The following PLEKHA5 variants were observed in gnomAD, a reference collection of about 807,000 sequenced individuals.
The protein encoded by PLEKHA5 is pleckstrin homology domain containing A5.
A neutral mutation model predicts 181.9 loss-of-function variants in PLEKHA5; 55 were observed. The observed-to-expected ratio is 0.30, with a 90% confidence interval of 0.24 to 0.38. The LOEUF is 0.38. PLEKHA5 is among the 10% of genes least tolerant of loss of function. The probability of loss-of-function intolerance (pLI) is 1.00; values close to 1 mark genes in which losing one functional copy is unlikely to be tolerated. For missense variants in PLEKHA5, 1,432 were observed against 1,549.5 expected, an observed-to-expected ratio of 0.92 and a Z score of 1.27; for synonymous variants, 535 against 529.4, an observed-to-expected ratio of 1.01 and a Z score of -0.15.
intron 3 of PLEKHA5, among the ~76,000 whole-genome samples, chr12:19,235,371 A>G (rs2061258141): frequency 6.6e-6 from 1 of 152,212 alleles, no homozygotes; most frequent in Non-Finnish European, 1.5e-5. Flanking sequence ...CAAGGTATGT[A>G]CAATATGTTT....
At chr12:19,197,333 A>T (rs190987884) in intron 3 of PLEKHA5, among the ~76,000 whole-genome samples, 2 of 152,130 alleles carry the variant, frequency 1.3e-5, no homozygotes, top group Admixed American at 1.3e-4. Context: ...TGTCACCAAT[A>T]CTTATTTTGG....
At position 19,269,829 on chromosome 12, in the gene PLEKHA5, G is replaced by A. The variant is rs2072021352; in HGVS notation, c.771G>A (p.Glu257=). 1 of 1,611,808 alleles carries A rather than the reference G, an allele frequency of 6.2e-7. No homozygotes were observed. The highest frequency in any genetic ancestry group is 8.5e-7 in the Non-Finnish European group (1 of 1,178,070). The change falls in exon 9 of 32, where the codon GAG becomes GAA. Residue 257 remains glutamate, a synonymous_variant. Coordinates refer to ENST00000429027, the MANE Select transcript of PLEKHA5 (RefSeq NM_001256470.2). ...GCACTGATACAGGAAAGGAAATGGA[G>A]TTGTGGATGAAAGCCATGTTAGATG... ...YFCTDTGKEM[E]LWMKAMLDAA... is the part of the protein sequence containing the mutation.
chr12:19,366,978 C>T (rs1031024770), intron 30 of PLEKHA5, among the ~76,000 whole-genome samples: 15 of 151,890 alleles, frequency 9.9e-5, no homozygotes, highest in African/African-American at 2.9e-4. Flanking sequence ...AGTGCAGTGG[C>T]GCTATCTTGG....
At chr12:19,361,934 G>T (rs2095256253) in intron 29 of PLEKHA5, among the ~76,000 whole-genome samples, 1 of 152,020 alleles carries the variant, frequency 6.6e-6, no homozygotes, top group Admixed American at 6.6e-5. Context: ...ACTTTGAAAG[G>T]CCAAGGCAGG....
chr12:19,209,553 C>T (rs2056475694), intron 3 of PLEKHA5, among the ~76,000 whole-genome samples: 1 of 152,160 alleles, frequency 6.6e-6, no homozygotes, highest in Non-Finnish European at 1.5e-5. Flanking sequence ...AGATTAGCTC[C>T]AGAGAAGAGC....
At chr12:19,306,786 C>G in intron 15 of PLEKHA5, 2 of 884,028 alleles carry the variant, frequency 2.3e-6, no homozygotes, top group Middle Eastern at 2.2e-4. Context: ...ATTCCATGAT[C>G]CAGACTCAGC....
intron 15 of PLEKHA5, among the ~76,000 whole-genome samples, chr12:19,302,067 A>C (rs1280923452): frequency 1.3e-5 from 2 of 152,234 alleles, no homozygotes; most frequent in African/African-American, 4.8e-5. Context: ...TTATTGATGT[A>C]GACACAGAAG....
At chr12:19,301,352 T>G (rs899007473) in intron 15 of PLEKHA5, among the ~76,000 whole-genome samples, 3 of 152,202 alleles carry the variant, frequency 2.0e-5, no homozygotes, top group Non-Finnish European at 2.9e-5. Flanking sequence ...GTAAAAGATT[T>G]TTTTTAATTC....
chr12:19,229,793 G>C lies in PLEKHA5; in HGVS notation c.228-24147G>C, dbSNP rs530857392. ...TGATCCATTTTACAGAGAGCTGATT[G>C]ATCTGTTTTACAGAGAGCTGATTGG... On this transcript the variant is annotated intron_variant, in intron 3 of 31. Coordinates refer to ENST00000429027, the MANE Select transcript of PLEKHA5 (RefSeq NM_001256470.2). Among the ~76,000 whole-genome samples, 5 of 151,462 alleles carry C rather than the reference G, an allele frequency of 3.3e-5. No individual in the cohort carries two copies. In the East Asian group the frequency reaches 9.7e-4, roughly 29 times the overall value.
chr12:19,240,447 T>G (rs951852574), intron 3 of PLEKHA5, among the ~76,000 whole-genome samples: 32 of 150,570 alleles, frequency 2.1e-4, no homozygotes, highest in African/African-American at 6.8e-4. Flanking sequence ...GGAGTTTTTT[T>G]TTTTTTTTTT....
At chr12:19,257,190 A>C (rs1020986342) in intron 5 of PLEKHA5, among the ~76,000 whole-genome samples, 1 of 152,180 alleles carries the variant, frequency 6.6e-6, no homozygotes, top group Non-Finnish European at 1.5e-5. Context: ...TGTATATCCT[A>C]TCCAGATTTT....
intron 25 of PLEKHA5, among the ~76,000 whole-genome samples, chr12:19,352,854 G>C (rs1268789687): frequency 6.6e-6 from 1 of 151,654 alleles, no homozygotes; most frequent in Non-Finnish European, 1.5e-5. Context: ...GAGTGCAGTG[G>C]TGCGATCTCA....
intron 16 of PLEKHA5, among the ~76,000 whole-genome samples, chr12:19,318,322 A>C (rs1458238085): frequency 2.6e-5 from 4 of 152,226 alleles, no homozygotes; most frequent in African/African-American, 9.6e-5. Context: ...TGTATAATAT[A>C]TTTATATGGC....
At chr12:19,276,692 T>C (rs2074621452) in intron 11 of PLEKHA5, among the ~76,000 whole-genome samples, 1 of 152,164 alleles carries the variant, frequency 6.6e-6, no homozygotes, top group Non-Finnish European at 1.5e-5. Flanking sequence ...AAATCAAAAA[T>C]GACACCCTGC....
intron 12 of PLEKHA5, among the ~76,000 whole-genome samples, chr12:19,286,633 G>A (rs1281025500): frequency 6.6e-6 from 1 of 152,072 alleles, no homozygotes; most frequent in Non-Finnish European, 1.5e-5. Flanking sequence ...GGATCCTGAG[G>A]TCAAAGAGTT....
chr12:19,355,900 C>T (rs1592614995), intron 26 of PLEKHA5, among the ~76,000 whole-genome samples: 1 of 151,976 alleles, frequency 6.6e-6, no homozygotes. Flanking sequence ...GTAGCTTACA[C>T]CTGTCATCCC....
intron 3 of PLEKHA5, among the ~76,000 whole-genome samples, chr12:19,184,745 A>G (rs1160808150): frequency 6.6e-6 from 1 of 152,310 alleles, no homozygotes; most frequent in African/African-American, 2.4e-5. Flanking sequence ...GGTTTTTAAA[A>G]ATGCGGGAAT....
chr12:19,322,567 A>C lies in PLEKHA5; in HGVS notation c.2348A>C (p.His783Pro), dbSNP rs1457252414. ...TCAGCCAGCCAAGAGATAGAAATGC[A>C]TGCAGATAACCCAGCAGCCATTCAG... ...LLSASQEIEM[H>P]ADNPAAIQTV... The change falls in exon 20 of 32, where the codon CAT (histidine) becomes CCT (proline). Residue 783 changes from histidine (H) to proline (P), a missense_variant. His to Pro is a moderately conservative substitution (Grantham distance 77). This residue lies in a region of PLEKHA5 where 1,143 missense variants were observed against 1,168.4 expected (regional missense o/e 0.98). Coordinates refer to ENST00000429027, the MANE Select transcript of PLEKHA5 (RefSeq NM_001256470.2). The C allele has an allele frequency of 1.9e-6, 3 of 1,613,732 alleles. No homozygotes were observed. Among genetic ancestry groups the C allele is most frequent in the Non-Finnish European group, 2.5e-6 (3 of 1,179,710 alleles).
chr12:19,366,234 T>G, intron 30 of PLEKHA5, 125 bp downstream of exon 30: 4 of 752,184 alleles, frequency 5.3e-6, no homozygotes, highest in Non-Finnish European at 8.7e-6. Context: ...AGTCAACGTT[T>G]GCCTCCCCAA....
Sources: gnomAD v4.1 joint callset for allele counts (sites outside exome capture counted in the v4.1 genomes callset) on GRCh38, gnomAD v4.1.1 for gene constraint, gnomAD v4.1.1 regional missense constraint, MANE v1.5 for transcripts, NCBI Gene and HGNC (gene_info 2026-07-23, HGNC 2026-07-21) for gene names.